SMAD7: variants seen among roughly 807,000 people sequenced by gnomAD.
SMAD7 encodes the protein MAD (mothers against decapentaplegic, Drosophila) homolog 7.
A neutral mutation model predicts 38.7 loss-of-function variants in SMAD7; 8 were observed. The ratio of observed to expected loss-of-function variants is 0.21; its 90% CI spans 0.12 to 0.37. SMAD7 has a LOEUF of 0.37. Among genes scored for constraint, SMAD7 ranks in the 10% least tolerant of loss-of-function variants. SMAD7 has a pLI of 1.00. For synonymous variants in SMAD7, 327 were observed against 265.1 expected, an observed-to-expected ratio of 1.23 and a Z score of -2.27; for missense variants, 477 against 577.9, an observed-to-expected ratio of 0.83 and a Z score of 1.79.
chr18:48,923,533 G>C (rs879374770), intron 3 of SMAD7, among the ~76,000 whole-genome samples: 1 of 152,128 alleles, frequency 6.6e-6, no homozygotes, highest in Non-Finnish European at 1.5e-5. Context: ...CCGTCAGTAA[G>C]GCCATACAAA....
At chr18:48,947,308 C>T (rs555812524) in intron 2 of SMAD7, among the ~76,000 whole-genome samples, 1 of 152,298 alleles carries the variant, frequency 6.6e-6, no homozygotes, top group African/African-American at 2.4e-5. Flanking sequence ...GCTTCGGTTA[C>T]ACGTTCATTA....
In SMAD7 at chr18:48,921,951, A is replaced by G; in HGVS notation, c.743-41T>C. ...GCAGAGAGGGTTAGTGGGGACAGGC[A>G]TTGGTGACTCCTAGAATGAAGACAC... On this transcript the variant is annotated intron_variant, in intron 3 of 3. Coordinates refer to ENST00000262158, the MANE Select transcript of SMAD7 (RefSeq NM_005904.4). This position sits in a 1 kb window ranked among gnomAD's most constrained non-coding sequence, Gnocchi z 6.4. 6.6e-7 allele frequency: 1 copy of G among 1,504,546 alleles called. No individual in the cohort carries two copies. Among genetic ancestry groups the G allele is most frequent in the Non-Finnish European group, 9.0e-7 (1 of 1,116,954 alleles). The allele number at this position is 1,504,546 out of a possible 1,614,324, so 93.2% of individuals were successfully genotyped here.
chr18:48,942,771 C>A, intron 2 of SMAD7: 3 of 1,404,758 alleles, frequency 2.1e-6, no homozygotes, highest in Admixed American at 3.3e-5. Context: ...CTCCGGGCAG[C>A]CAGTTAATCA....
At chr18:48,947,253 T>G (rs993088364) in intron 2 of SMAD7, among the ~76,000 whole-genome samples, 1 of 152,184 alleles carries the variant, frequency 6.6e-6, no homozygotes. Context: ...CTTCCCAACT[T>G]GAGGGAGCTG....
At chr18:48,924,696 C>T (rs2069904672) in intron 3 of SMAD7, among the ~76,000 whole-genome samples, 1 of 152,188 alleles carries the variant, frequency 6.6e-6, no homozygotes, top group Admixed American at 6.5e-5. Context: ...CTCCTGCCTG[C>T]TCCTCCCTCG....
intron 2 of SMAD7, among the ~76,000 whole-genome samples, chr18:48,945,964 A>G (rs147395498): frequency 9.2e-5 from 14 of 152,250 alleles, no homozygotes; most frequent in Admixed American, 7.8e-4. Context: ...CACTCTTTCA[A>G]AGAAGGCTCT....
intron 3 of SMAD7, chr18:48,933,573 G>A (rs532532031): frequency 1.3e-5 from 2 of 152,752 alleles, no homozygotes; most frequent in African/African-American, 4.8e-5. Flanking sequence ...CCGGCAGAGG[G>A]AGGCACATGT....
At chr18:48,941,058 A>C (rs1485085856) in intron 3 of SMAD7, among the ~76,000 whole-genome samples, 1 of 152,144 alleles carries the variant, frequency 6.6e-6, no homozygotes. Flanking sequence ...TCAGGGTTTA[A>C]AAAATAAAAC....
At chr18:48,936,514 C>G (rs1354579865) in intron 3 of SMAD7, among the ~76,000 whole-genome samples, 1 of 152,194 alleles carries the variant, frequency 6.6e-6, no homozygotes, top group Admixed American at 6.5e-5. Flanking sequence ...GACAGCAAAG[C>G]AAAACAGTGG....
chr18:48,925,749 T>C (rs2069919102), intron 3 of SMAD7, among the ~76,000 whole-genome samples: 1 of 115,320 alleles, frequency 8.7e-6, no homozygotes, highest in Non-Finnish European at 1.9e-5. Context: ...CTTAAATGTT[T>C]TTCTTTTTTT....
intron 3 of SMAD7, among the ~76,000 whole-genome samples, chr18:48,931,130 CAG>C (rs1447333893): frequency 1.3e-5 from 2 of 152,048 alleles, no homozygotes; most frequent in Non-Finnish European, 2.9e-5. Context: ...AATTCATAGA[CAG>C]AAAGAATGGT....
intron 3 of SMAD7, among the ~76,000 whole-genome samples, chr18:48,939,308 G>A (rs577162042): frequency 8.5e-5 from 13 of 152,116 alleles, no homozygotes; most frequent in South Asian, 2.1e-4. Flanking sequence ...TTCCCAGACC[G>A]AGGAAACTTG....
In SMAD7 at chr18:48,921,923, T is replaced by C; in HGVS notation, c.743-13A>G. On this transcript the variant is annotated splice_polypyrimidine_tract_variant and intron_variant, in intron 3 of 3. Transcript: ENST00000262158. This position sits in a 1 kb window ranked among gnomAD's most constrained non-coding sequence, Gnocchi z 6.4. ...AGAAGTTGGGAATCTAGAAAACACA[T>C]TGGCAGAGAGGGTTAGTGGGGACAG... 6.3e-7 allele frequency: 1 copy of C among 1,585,220 alleles called. No individual in the cohort carries two copies.
At chr18:48,946,433 G>T (rs987631381) in intron 2 of SMAD7, among the ~76,000 whole-genome samples, 3 of 152,108 alleles carry the variant, frequency 2.0e-5, no homozygotes, top group Non-Finnish European at 4.4e-5. Context: ...AGGGGGGCGG[G>T]GGGGGTGTGC....
rs1398132337 is a variant in SMAD7, at chr18:48,950,715, C to T, written c.-291G>A. On this transcript the variant is annotated 5_prime_UTR_variant, in exon 1 of 4. Transcript: ENST00000262158. ...CCGCGCCCTGCGCGGCTCTCCGGCC[C>T]CGGCGCGCCCCGGAGGAACCCGGCC... 3 of 148,426 alleles carry T rather than the reference C, an allele frequency of 2.0e-5. No homozygotes were observed. Among genetic ancestry groups the T allele is most frequent in the Non-Finnish European group, 4.5e-5 (3 of 66,998 alleles). 9.2% of individuals were successfully genotyped at this position (148,426 alleles called of 1,614,324 possible). A position where few individuals can be genotyped will look rare whatever the true frequency, so the allele number is the denominator to read the frequency against.
intron 3 of SMAD7, among the ~76,000 whole-genome samples, chr18:48,923,612 C>A (rs981504508): frequency 1.3e-5 from 2 of 152,162 alleles, no homozygotes; most frequent in Non-Finnish European, 2.9e-5. Context: ...CCTACAGACA[C>A]CCCAAGCTGG....
At position 48,921,885 on chromosome 18, in the gene SMAD7, C is replaced by T; in HGVS notation, c.768G>A (p.Gly256=). 6.2e-7 allele frequency: 1 copy of T among 1,608,208 alleles called. No homozygotes were observed. Among genetic ancestry groups the T allele is most frequent in the Middle Eastern group, 1.7e-4 (1 of 6,028 alleles). Residue 256 remains glycine (G), a synonymous_variant, in exon 4 of 4, where the codon GGG becomes GGA. Coordinates refer to ENST00000262158, the MANE Select transcript of SMAD7 (RefSeq NM_005904.4). The surrounding 1 kb of genome is among the most constrained non-coding windows in gnomAD (Gnocchi z 6.4). Reference sequence around the variant, plus strand: ...CCACCACGCACCAGTGTGACCGATCCCCAGGCTCCAGAAGAAGTTGGGAAT... The same window carrying T: ...CCACCACGCACCAGTGTGACCGATCTCCAGGCTCCAGAAGAAGTTGGGAAT... The part of the protein sequence containing the change: ...LSDSQLLLEP[G]DRSHWCVVAY...
intron 3 of SMAD7, among the ~76,000 whole-genome samples, chr18:48,941,079 C>A (rs972107576): frequency 3.3e-5 from 5 of 152,204 alleles, no homozygotes; most frequent in African/African-American, 1.2e-4. Context: ...CATCTAACAA[C>A]ATCCTGAGCG....
At chr18:48,932,560 G>C (rs922820140) in intron 3 of SMAD7, among the ~76,000 whole-genome samples, 1 of 152,162 alleles carries the variant, frequency 6.6e-6, no homozygotes, top group African/African-American at 2.4e-5. Flanking sequence ...TTTCTTCCTG[G>C]TGGGGCTTCA....
Sources: gnomAD v4.1 joint callset for allele counts (sites outside exome capture counted in the v4.1 genomes callset) on GRCh38, gnomAD v4.1.1 for gene constraint, Gnocchi (gnomAD v3.1) non-coding constraint, MANE v1.5 for transcripts, NCBI Gene and HGNC (gene_info 2026-07-23, HGNC 2026-07-21) for gene names.